The following TLK1 variants were observed in gnomAD, a reference collection of about 807,000 sequenced individuals.
TLK1 encodes the protein tousled like kinase 1.
Under a neutral mutation model 105.3 loss-of-function variants are expected in TLK1, and 24 were observed. The observed-to-expected ratio is 0.23, with a 90% CI of 0.17 to 0.32. The LOEUF is 0.32. TLK1 is among the 10% of genes least tolerant of loss of function. The pLI is 1.00. For missense variants in TLK1, 558 were observed against 910.5 expected, an observed-to-expected ratio of 0.61 and a Z score of 4.98; for synonymous variants, 321 against 310.4, an observed-to-expected ratio of 1.03 and a Z score of -0.36.
At chr2:171,098,309 G>A (rs908751930) in intron 2 of TLK1, among the ~76,000 whole-genome samples, 1 of 152,104 alleles carries the variant, frequency 6.6e-6, no homozygotes, top group Admixed American at 6.5e-5. Context: ...TCTTAATAGT[G>A]TTAATCATGT....
intron 1 of TLK1, among the ~76,000 whole-genome samples, chr2:171,169,520 G>C (rs1376209625): frequency 6.6e-6 from 1 of 152,058 alleles, no homozygotes; most frequent in Non-Finnish European, 1.5e-5. Context: ...GAATTCCTGG[G>C]TCAAGGATTT....
chr2:171,066,963 G>C (rs1688026921), intron 3 of TLK1: 1 of 1,541,574 alleles, frequency 6.5e-7, no homozygotes, highest in Non-Finnish European at 8.7e-7. Context: ...CATTTTGAAA[G>C]TGCTTGTAAT....
intron 1 of TLK1, among the ~76,000 whole-genome samples, chr2:171,151,717 C>T (rs539645545): frequency 5.1e-4 from 77 of 151,384 alleles, no homozygotes; most frequent in East Asian, 9.9e-4. Context: ...CCTCGTGATC[C>T]GCCCGCCTCA....
intron 2 of TLK1, among the ~76,000 whole-genome samples, chr2:171,104,005 C>G (rs1270124160): frequency 6.6e-6 from 1 of 152,232 alleles, no homozygotes; most frequent in Non-Finnish European, 1.5e-5. Context: ...AAAGCAATCT[C>G]TGGCTGGGAG....
chr2:171,166,883 C>T (rs1692618839), intron 1 of TLK1, among the ~76,000 whole-genome samples: 1 of 152,196 alleles, frequency 6.6e-6, no homozygotes, highest in Admixed American at 6.5e-5. Context: ...CAGTGGGATA[C>T]TACACAACAA....
chr2:170,996,487 G>C (rs1483873379), intron 20 of TLK1, among the ~76,000 whole-genome samples, 166 bp downstream of exon 20: 1 of 152,126 alleles, frequency 6.6e-6, no homozygotes, highest in Admixed American at 6.5e-5. Flanking sequence ...GCAACCAGAG[G>C]CTGATGCAAC....
At chr2:171,166,080 T>C (rs1363665884) in intron 1 of TLK1, among the ~76,000 whole-genome samples, 3 of 152,216 alleles carry the variant, frequency 2.0e-5, no homozygotes, top group African/African-American at 7.2e-5. Flanking sequence ...AAGTCAGCCA[T>C]GGTGAGAGTA....
chr2:171,164,447 A>G (rs1274111470), upstream of TLK1, among the ~76,000 whole-genome samples: 1 of 152,198 alleles, frequency 6.6e-6, no homozygotes, highest in African/African-American at 2.4e-5. Flanking sequence ...TGAACACAAG[A>G]GTTCAAGACT....
intron 1 of TLK1, among the ~76,000 whole-genome samples, chr2:171,208,332 TTA>T (rs1178591860): frequency 2.8e-5 from 4 of 140,932 alleles, no homozygotes; most frequent in Non-Finnish European, 6.1e-5. Context: ...ATCCTTCAAA[TTA>T]AATTTGTAAT....
At chr2:171,182,452 C>T (rs1692943450) in intron 1 of TLK1, among the ~76,000 whole-genome samples, 1 of 152,098 alleles carries the variant, frequency 6.6e-6, no homozygotes, top group African/African-American at 2.4e-5. Context: ...TATGATGTTC[C>T]AGCAGGATCT....
intron 1 of TLK1, among the ~76,000 whole-genome samples, chr2:171,141,491 C>T (rs919467932): frequency 6.6e-6 from 1 of 152,024 alleles, no homozygotes; most frequent in Non-Finnish European, 1.5e-5. Context: ...AAAGATCACA[C>T]CTAGACATAT....
intron 3 of TLK1, among the ~76,000 whole-genome samples, chr2:171,069,751 T>G (rs948168569): frequency 5.2e-4 from 79 of 152,340 alleles, no homozygotes; most frequent in African/African-American, 1.9e-3. Flanking sequence ...CTATATGACA[T>G]GTGACGACAT....
intron 16 of TLK1, 22 bp downstream of exon 16, chr2:171,006,778 T>A: frequency 6.2e-7 from 1 of 1,606,106 alleles, no homozygotes. Flanking sequence ...TCCTTAAAAA[T>A]TGAACCTTAA....
chr2:171,027,407 A>G (rs1351146759), intron 12 of TLK1, among the ~76,000 whole-genome samples: 1 of 152,204 alleles, frequency 6.6e-6, no homozygotes, highest in African/African-American at 2.4e-5. Flanking sequence ...CATTTGAACT[A>G]AAATTAAGAC....
At chr2:171,050,226 C>A in intron 8 of TLK1, 52 bp from the exon 9 acceptor site, 2 of 1,276,270 alleles carry the variant, frequency 1.6e-6, no homozygotes, top group Non-Finnish European at 2.2e-6. Context: ...ATATGAAAAG[C>A]TTAGAAATAG....
At chr2:171,227,099 C>T (rs1319538140) in intron 1 of TLK1, among the ~76,000 whole-genome samples, 1 of 152,174 alleles carries the variant, frequency 6.6e-6, no homozygotes, top group Non-Finnish European at 1.5e-5. Context: ...GCCTCTCTGG[C>T]ATACCATTCC....
intron 1 of TLK1, among the ~76,000 whole-genome samples, chr2:171,154,760 T>C (rs1395287940): frequency 1.3e-5 from 2 of 152,222 alleles, no homozygotes; most frequent in African/African-American, 4.8e-5. Context: ...ATGAAGGAGT[T>C]TATGAAACTA....
chr2:171,133,391 G>T (rs577158406), intron 1 of TLK1, among the ~76,000 whole-genome samples: 2 of 152,306 alleles, frequency 1.3e-5, no homozygotes, highest in African/African-American at 4.8e-5. Flanking sequence ...GAGGTCAGGA[G>T]TTCCAGACCA....
At chr2:171,168,143 C>T (rs76626068) in intron 1 of TLK1, among the ~76,000 whole-genome samples, 1,644 of 152,002 alleles carry the variant, frequency 0.011, 25 homozygotes, top group African/African-American at 0.036. Context: ...AGTTTCTTTT[C>T]GTAAAAAATA....
Sources: gnomAD v4.1 joint callset for allele counts (sites outside exome capture counted in the v4.1 genomes callset) on GRCh38, gnomAD v4.1.1 for gene constraint, MANE v1.5 for transcripts, NCBI Gene and HGNC (gene_info 2026-07-23, HGNC 2026-07-21) for gene names.